Variants in TRAF2 observed in about 807,000 individuals in gnomAD.
TRAF2 encodes the protein TNF receptor-associated factor 2.
A neutral mutation model predicts 55.6 loss-of-function variants in TRAF2; 6 were observed. The ratio of observed to expected loss-of-function variants is 0.11; its 90% CI spans 0.06 to 0.21. The LOEUF (loss-of-function observed/expected upper bound fraction) is 0.21, where lower values mean the gene tolerates loss of function less well. Ranked by LOEUF, TRAF2 falls within the 10% of genes least tolerant of loss-of-function variation. TRAF2 has a pLI of 1.00. For missense variants in TRAF2, 561 were observed against 684.5 expected (o/e 0.82, Z 2.01); for synonymous variants, 329 against 276.3 (o/e 1.19, Z -1.89).
At chr9:136,900,399 C>T (rs749974289) in intron 3 of TRAF2, 23 bp from the exon 4 acceptor site, 89 of 1,552,448 alleles carry the variant, frequency 5.7e-5, no homozygotes, top group Non-Finnish European at 7.4e-5. Context: ...GAGGTTTAAC[C>T]CGAGGGATAT....
Position 136,900,318 on chromosome 9 carries a change from C to G in TRAF2, c.268-104C>G, listed in dbSNP as rs913902641. The G allele has an allele frequency of 1.0e-5, 7 of 699,186 alleles. No individual in the cohort carries two copies. The East Asian group carries it at 1.7e-4, about 17-fold the overall frequency. 43.3% of individuals were successfully genotyped at this position (699,186 alleles called of 1,614,324 possible). ...CTGCTCCTGGAGTGGCCTGGAAAGG[C>G]GATGTGACGCAGTATTGGTTGGTTT... On this transcript the variant is annotated intron_variant, in intron 3 of 10. Transcript: ENST00000247668.
chr9:136,918,471 G>A (rs1341505489), intron 7 of TRAF2, among the ~76,000 whole-genome samples: 1 of 151,556 alleles, frequency 6.6e-6, no homozygotes, highest in Non-Finnish European at 1.5e-5. Context: ...TGTATTTTTA[G>A]TAGAGATGAG....
intron 2 of TRAF2, 89 bp downstream of exon 2, chr9:136,899,017 G>A: frequency 7.3e-7 from 1 of 1,364,264 alleles, no homozygotes. Flanking sequence ...TCCCAGCAGA[G>A]CCGGGTCCAG....
upstream of TRAF2, chr9:136,886,331 G>A: frequency 1.1e-6 from 1 of 931,250 alleles, no homozygotes. Context: ...CGGCTCCTGC[G>A]GGCTCGCTGG....
intron 1 of TRAF2, among the ~76,000 whole-genome samples, chr9:136,887,203 C>T (rs1022428966): frequency 6.6e-6 from 1 of 152,098 alleles, no homozygotes; most frequent in East Asian, 1.9e-4. Context: ...GTGGACCGGG[C>T]CGGGATCGGG....
chr9:136,891,378 G>T (rs890878912), intron 1 of TRAF2, among the ~76,000 whole-genome samples: 1 of 152,102 alleles, frequency 6.6e-6, no homozygotes, highest in African/African-American at 2.4e-5. Context: ...AAAGTGCTGG[G>T]ATTACAAGTG....
Position 136,916,524 on chromosome 9 carries a change from A to G in TRAF2, c.604-17A>G, listed in dbSNP as rs377241122. The G allele has an allele frequency of 4.3e-6, 7 of 1,613,440 alleles. No individual in the cohort carries two copies. Among genetic ancestry groups the G allele is most frequent in the Non-Finnish European group, 5.1e-6 (6 of 1,179,582 alleles). The stretch of plus-strand genomic sequence containing the variant: ...CAGAACAGAGAAAGATGGCTCTGTG[A>G]CGTCACTCCCTTGTAGTTTCAGGAC... On this transcript the variant is annotated splice_polypyrimidine_tract_variant and intron_variant, in intron 6 of 10. Coordinates refer to ENST00000247668, the MANE Select transcript of TRAF2 (RefSeq NM_021138.4).
intron 6 of TRAF2, among the ~76,000 whole-genome samples, chr9:136,915,895 T>C (rs1237213385): frequency 6.6e-6 from 1 of 152,198 alleles, no homozygotes; most frequent in Non-Finnish European, 1.5e-5. Flanking sequence ...TATGAAATCT[T>C]GTGCTGCGTC....
chr9:136,886,508 G>A (rs1209665650), upstream of TRAF2: 9 of 998,544 alleles, frequency 9.0e-6, no homozygotes, highest in Non-Finnish European at 9.5e-6. Context: ...GTAGCTGGGC[G>A]GGCCCTTAGT....
chr9:136,895,147 T>C (rs1182576663), intron 1 of TRAF2, among the ~76,000 whole-genome samples: 1 of 152,132 alleles, frequency 6.6e-6, no homozygotes, highest in Admixed American at 6.5e-5. Context: ...CATCCAAAAC[T>C]TGCCGGTCCT....
chr9:136,906,614 A>G lies in TRAF2; in HGVS notation c.367-1456A>G, dbSNP rs111950398. Among the ~76,000 whole-genome samples the G allele has an allele frequency of 1.7e-4, 26 of 152,302 alleles. 1 individual carries two copies. The highest frequency in any genetic ancestry group is 3.6e-4 in the African/African-American group (15 of 41,562). On this transcript the variant is annotated intron_variant, in intron 4 of 10. Transcript: ENST00000247668. The stretch of plus-strand genomic sequence containing the variant: ...ATTTGGGTGGGGACACAGCCAAACC[A>G]TATCAGTGACAAAGTGAGACCCTGT...
In TRAF2 at chr9:136,886,519, T is replaced by G. The variant is rs1194280622; in HGVS notation, c.-51T>G. 1.0e-6 allele frequency: 1 copy of G among 990,558 alleles called. No individual in the cohort carries two copies. Among genetic ancestry groups the G allele is most frequent in the Non-Finnish European group, 1.2e-6 (1 of 833,814 alleles). The allele number at this position is 990,558 out of a possible 1,614,324, so 61.4% of individuals were successfully genotyped here. ...GGCGGTAGCTGGGCGGGCCCTTAGT[T>G]CCGGGCGCGCTGCGACCGTTGGGTG... On this transcript the variant is annotated 5_prime_UTR_variant, in exon 1 of 11. Coordinates refer to ENST00000247668, the MANE Select transcript of TRAF2 (RefSeq NM_021138.4).
intron 4 of TRAF2, among the ~76,000 whole-genome samples, chr9:136,905,767 T>A (rs536396216): frequency 6.6e-6 from 1 of 152,152 alleles, no homozygotes; most frequent in South Asian, 2.1e-4. Flanking sequence ...GAGGCTTAGG[T>A]GGGCAGATTG....
upstream of TRAF2, among the ~76,000 whole-genome samples, chr9:136,885,468 G>A (rs893097004): frequency 1.2e-4 from 18 of 152,140 alleles, no homozygotes; most frequent in African/African-American, 1.7e-4. Flanking sequence ...CAGCCCACAG[G>A]ACTCCTAGGG....
At chr9:136,922,900 G>T (rs1195160132) in intron 9 of TRAF2, among the ~76,000 whole-genome samples, 1 of 147,096 alleles carries the variant, frequency 6.8e-6, no homozygotes, top group Non-Finnish European at 1.5e-5. Context: ...ACTAGGACAG[G>T]GAGGATGGGC....
chr9:136,926,440 A>G lies in TRAF2; in HGVS notation c.*539A>G. On this transcript the variant is annotated 3_prime_UTR_variant, in exon 11 of 11. Coordinates refer to ENST00000247668, the MANE Select transcript of TRAF2 (RefSeq NM_021138.4). ...GACCCCTGGGTGCTTGTCTGCACAG[A>G]GCTCTGGTCTGTGCCACCTTGGCCA... The G allele has an allele frequency of 3.9e-6, 1 of 259,380 alleles. No individual in the cohort carries two copies. Among genetic ancestry groups the G allele is most frequent in the Non-Finnish European group, 7.7e-6 (1 of 129,726 alleles). The allele number at this position is 259,380 out of a possible 1,614,324, so 16.1% of individuals were successfully genotyped here.
At chr9:136,887,240 G>A (rs1849474558) in intron 1 of TRAF2, among the ~76,000 whole-genome samples, 1 of 152,244 alleles carries the variant, frequency 6.6e-6, no homozygotes, top group Admixed American at 6.5e-5. Flanking sequence ...GGCAGTAGCA[G>A]GGGATGTTTG....
At chr9:136,883,198 C>T (rs543080715), upstream of TRAF2, among the ~76,000 whole-genome samples, 1 of 151,936 alleles carries the variant, frequency 6.6e-6, no homozygotes. Flanking sequence ...CTGTGCCAAT[C>T]TTCTGGAAAC....
intron 6 of TRAF2, 51 bp downstream of exon 6, chr9:136,910,045 G>A (rs1850066369): frequency 6.3e-7 from 1 of 1,579,396 alleles, no homozygotes; most frequent in Non-Finnish European, 8.6e-7. Flanking sequence ...CCCATGTGTT[G>A]GACGTGAGGG....
Sources: gnomAD v4.1 joint callset for allele counts (sites outside exome capture counted in the v4.1 genomes callset) on GRCh38, gnomAD v4.1.1 for gene constraint, MANE v1.5 for transcripts, NCBI Gene and HGNC (gene_info 2026-07-23, HGNC 2026-07-21) for gene names.